The following CNOT6L variants were observed in gnomAD, a reference collection of about 807,000 sequenced individuals.
CNOT6L encodes the protein CCR4-NOT transcription complex subunit 6-like.
A neutral mutation model predicts 64.0 loss-of-function variants in CNOT6L; 7 were observed. That is an observed-to-expected ratio of 0.11 (90% confidence interval 0.06 to 0.21). The LOEUF (loss-of-function observed/expected upper bound fraction) is 0.21. Ranked by LOEUF, CNOT6L falls within the 10% of genes least tolerant of loss-of-function variation. The pLI, the probability that CNOT6L is intolerant of heterozygous loss-of-function variation, is 1.00. For synonymous variants in CNOT6L, 193 were observed against 243.4 expected (o/e 0.79, Z 1.93); for missense variants, 245 against 669.0 (o/e 0.37, Z 6.99).
intron 1 of CNOT6L, among the ~76,000 whole-genome samples, chr4:77,811,986 C>T (rs996812305): frequency 1.2e-4 from 18 of 152,008 alleles, no homozygotes; most frequent in African/African-American, 4.1e-4. Flanking sequence ...CAAGTGACTT[C>T]TCTTGACATT....
At chr4:77,743,984 A>G (rs560092801) in intron 7 of CNOT6L, among the ~76,000 whole-genome samples, 3 of 152,316 alleles carry the variant, frequency 2.0e-5, no homozygotes, top group African/African-American at 7.2e-5. Flanking sequence ...TCATTTGATC[A>G]TTTAAAAAAA....
At chr4:77,777,710 A>G (rs1000831334) in intron 1 of CNOT6L, among the ~76,000 whole-genome samples, 1 of 152,192 alleles carries the variant, frequency 6.6e-6, no homozygotes, top group African/African-American at 2.4e-5. Flanking sequence ...CAAGTGTCTG[A>G]ATCTGGAACT....
intron 9 of CNOT6L, among the ~76,000 whole-genome samples, chr4:77,729,381 A>C (rs948597073): frequency 9.2e-5 from 14 of 152,198 alleles, no homozygotes; most frequent in Non-Finnish European, 1.5e-5. Context: ...ACAATAATGT[A>C]GTAAGGCAGG....
intron 1 of CNOT6L, among the ~76,000 whole-genome samples, chr4:77,796,262 A>T (rs1266406537): frequency 6.6e-6 from 1 of 152,156 alleles, no homozygotes; most frequent in Non-Finnish European, 1.5e-5. Flanking sequence ...AAGAAAAATA[A>T]AATTGGAGGA....
intron 8 of CNOT6L, among the ~76,000 whole-genome samples, chr4:77,734,411 A>G (rs1320056450): frequency 1.3e-5 from 2 of 152,174 alleles, no homozygotes; most frequent in East Asian, 1.9e-4. Flanking sequence ...GACATTTCCT[A>G]TAACATTTAA....
In CNOT6L at chr4:77,806,281, C is replaced by T. The variant is rs146670828; in HGVS notation, c.5+13023G>A. Reference sequence around the variant, plus strand: ...TCTCTACTAAAAATACAAAATTAGCCGGGCGTGGTGGCGCATGCCTGTAAT... The same window carrying T: ...TCTCTACTAAAAATACAAAATTAGCTGGGCGTGGTGGCGCATGCCTGTAAT... On this transcript the variant is annotated intron_variant, in intron 1 of 11. Transcript: ENST00000504123. Among the ~76,000 whole-genome samples, 883 of 152,144 alleles carry T rather than the reference C, an allele frequency of 5.8e-3. 10 individuals carry two copies. Among genetic ancestry groups the T allele is most frequent in the African/African-American group, 0.02 (849 of 41,518 alleles).
At chr4:77,763,446 C>G (rs1254606575) in intron 4 of CNOT6L, among the ~76,000 whole-genome samples, 1 of 151,954 alleles carries the variant, frequency 6.6e-6, no homozygotes, top group Non-Finnish European at 1.5e-5. Flanking sequence ...CCAAAAGACA[C>G]TAGCATCATA....
chr4:77,717,820 ACCATGCC>A lies in CNOT6L; in HGVS notation c.*2604_*2610del, dbSNP rs1455749600. The A allele has an allele frequency of 3.9e-5, 6 of 152,566 alleles. No homozygotes were observed. The highest frequency in any genetic ancestry group is 8.8e-5 in the Non-Finnish European group (6 of 68,010). The allele number at this position is 152,566 out of a possible 1,614,324, so 9.5% of individuals were successfully genotyped here. A position where few individuals can be genotyped will look rare whatever the true frequency, so the allele number is the denominator to read the frequency against. The stretch of plus-strand genomic sequence containing the variant: ...AAACCGTGCACATGAAATTTGGGTT[ACCATGCC>A]CCAAGTGTGTACCACCCAAAACATA... On this transcript the variant is annotated 3_prime_UTR_variant, in exon 12 of 12. Coordinates refer to ENST00000504123, the MANE Select transcript of CNOT6L (RefSeq NM_144571.3).
chr4:77,752,139 T>A (rs532749104), intron 5 of CNOT6L, among the ~76,000 whole-genome samples: 2 of 152,048 alleles, frequency 1.3e-5, no homozygotes, highest in African/African-American at 4.8e-5. Flanking sequence ...ACTCTCTAAA[T>A]ATCAAGGAAA....
At chr4:77,779,201 T>TAA (rs1178369702) in intron 1 of CNOT6L, among the ~76,000 whole-genome samples, 1 of 152,032 alleles carries the variant, frequency 6.6e-6, no homozygotes, top group African/African-American at 2.4e-5. Flanking sequence ...TATATCTCCA[T>TAA]ACAGTTCCCG....
intron 1 of CNOT6L, among the ~76,000 whole-genome samples, chr4:77,803,725 G>C (rs1578004447): frequency 6.6e-6 from 1 of 152,118 alleles, no homozygotes; most frequent in East Asian, 1.9e-4. Context: ...CCAACATGGA[G>C]AAACCCCATC....
chr4:77,814,841 T>A (rs1733379980), intron 1 of CNOT6L, among the ~76,000 whole-genome samples: 1 of 152,206 alleles, frequency 6.6e-6, no homozygotes, highest in East Asian at 1.9e-4. Flanking sequence ...TAAATTGTGA[T>A]TCAATTAAAG....
chr4:77,735,476 ATAACAGAT>A (rs1056887198), intron 8 of CNOT6L, among the ~76,000 whole-genome samples: 4 of 152,190 alleles, frequency 2.6e-5, no homozygotes, highest in Non-Finnish European at 5.9e-5. Flanking sequence ...TCCAATATTT[ATAACAGAT>A]TACCTTTGCC....
intron 1 of CNOT6L, among the ~76,000 whole-genome samples, chr4:77,778,634 T>C (rs2110072504): frequency 6.6e-6 from 1 of 151,922 alleles, no homozygotes; most frequent in East Asian, 2.0e-4. Context: ...CTCGAACTCC[T>C]GACCTTGTGA....
intron 8 of CNOT6L, among the ~76,000 whole-genome samples, chr4:77,737,076 A>G (rs1238500133): frequency 6.6e-6 from 1 of 152,224 alleles, no homozygotes; most frequent in African/African-American, 2.4e-5. Context: ...GTGACTGCCA[A>G]CTATGAGAAA....
chr4:77,768,474 A>ATTATAT (rs1727124850), intron 4 of CNOT6L, among the ~76,000 whole-genome samples: 1 of 13,116 alleles, frequency 7.6e-5, no homozygotes, highest in African/African-American at 1.5e-4. Context: ...AAAATAAATA[A>ATTATAT]ATATATATAT....
intron 5 of CNOT6L, among the ~76,000 whole-genome samples, chr4:77,756,439 A>T (rs1725583783): frequency 6.6e-6 from 1 of 152,244 alleles, no homozygotes; most frequent in Non-Finnish European, 1.5e-5. Flanking sequence ...TTCATTAAAA[A>T]TGTGTAAAAT....
In CNOT6L at chr4:77,739,915, T is replaced by G. The variant is rs565926480; in HGVS notation, c.872+2226A>C. ...AGTAAATTGTTAAGGAATTTTAGAT[T>G]TTTCCTCTCAAAACTGTGAGAGTAA... On this transcript the variant is annotated intron_variant, in intron 8 of 11. Coordinates refer to ENST00000504123, the MANE Select transcript of CNOT6L (RefSeq NM_144571.3). Among the ~76,000 whole-genome samples the G allele has an allele frequency of 9.0e-4, 137 of 152,322 alleles. 6 individuals are homozygous for G. The South Asian group carries it at 0.028, about 32-fold the overall frequency.
chr4:77,795,255 G>T (rs537692774), intron 1 of CNOT6L, among the ~76,000 whole-genome samples: 9 of 152,134 alleles, frequency 5.9e-5, no homozygotes, highest in African/African-American at 2.2e-4. Flanking sequence ...CTGACCTCAG[G>T]TGATCCACCC....
Sources: gnomAD v4.1 joint callset for allele counts (sites outside exome capture counted in the v4.1 genomes callset) on GRCh38, gnomAD v4.1.1 for gene constraint, MANE v1.5 for transcripts, NCBI Gene and HGNC (gene_info 2026-07-23, HGNC 2026-07-21) for gene names.